The following MEF2A variants were observed in gnomAD, a reference collection of about 807,000 sequenced individuals.
The protein encoded by MEF2A is myocyte enhancer factor 2A.
Under a neutral mutation model 55.8 loss-of-function variants are expected in MEF2A, and 28 were observed. The observed-to-expected ratio is 0.50, with a 90% CI of 0.37 to 0.69. MEF2A has a LOEUF of 0.69. Among genes scored for constraint, MEF2A ranks in the 30% least tolerant of loss-of-function variants. The probability of loss-of-function intolerance (pLI) is 0.00; values close to 1 mark genes in which losing one functional copy is unlikely to be tolerated. For synonymous variants in MEF2A, 239 were observed against 227.1 expected, an observed-to-expected ratio of 1.05 and a Z score of -0.47; for missense variants, 528 against 626.2, an observed-to-expected ratio of 0.84 and a Z score of 1.67.
intron 2 of MEF2A, among the ~76,000 whole-genome samples, chr15:99,622,780 G>C (rs1180680697): frequency 6.7e-6 from 1 of 149,034 alleles, no homozygotes; most frequent in East Asian, 2.0e-4. Context: ...TTGGCTCACT[G>C]CAAGCTCCGC....
chr15:99,694,057 G>T (rs1369812796), intron 8 of MEF2A, among the ~76,000 whole-genome samples: 1 of 152,100 alleles, frequency 6.6e-6, no homozygotes, highest in Non-Finnish European at 1.5e-5. Flanking sequence ...TTTTAACCTT[G>T]TGTCTTTTTC....
intron 1 of MEF2A, among the ~76,000 whole-genome samples, chr15:99,593,947 A>C (rs1286701771): frequency 6.6e-6 from 1 of 151,044 alleles, no homozygotes; most frequent in East Asian, 1.9e-4. Flanking sequence ...TTTTTTTTGT[A>C]CTCTTTCACA....
chr15:99,675,461 G>A lies in MEF2A; in HGVS notation c.670+3G>A. 1 of 1,612,832 alleles carries A rather than the reference G, an allele frequency of 6.2e-7. No individual in the cohort carries two copies. The highest frequency in any genetic ancestry group is 8.5e-7 in the Non-Finnish European group (1 of 1,178,842). ...TGGAGCTGGAAGCAGTCCAGTGGGT[G>A]AGTGAATTCCTACTCTTCTGTTTTG... On this transcript the variant is annotated splice_donor_region_variant and intron_variant, in intron 7 of 11. Coordinates refer to ENST00000557942, the MANE Select transcript of MEF2A (RefSeq NM_001319206.4).
intron 2 of MEF2A, among the ~76,000 whole-genome samples, chr15:99,608,171 TAAAA>T (rs1289613436): frequency 6.6e-6 from 1 of 152,144 alleles, no homozygotes; most frequent in Non-Finnish European, 1.5e-5. Flanking sequence ...AAGCCCAACT[TAAAA>T]AAACTTTGAA....
chr15:99,565,654 C>T (rs377218236), upstream of MEF2A: 4 of 152,592 alleles, frequency 2.6e-5, no homozygotes, highest in Admixed American at 1.3e-4. Context: ...CCGCCGTCAT[C>T]TTCTTCCTGT....
At chr15:99,600,481 A>G (rs960233179) in intron 2 of MEF2A, among the ~76,000 whole-genome samples, 6 of 152,158 alleles carry the variant, frequency 3.9e-5, no homozygotes, top group Non-Finnish European at 7.4e-5. Flanking sequence ...AAGGTTTGTC[A>G]TAGGGATTAG....
intron 2 of MEF2A, among the ~76,000 whole-genome samples, chr15:99,598,821 G>C (rs1393508567): frequency 1.3e-5 from 2 of 152,088 alleles, no homozygotes; most frequent in Admixed American, 1.3e-4. Flanking sequence ...AATTAAGTAG[G>C]TAGTTGGTAG....
intron 2 of MEF2A, among the ~76,000 whole-genome samples, chr15:99,607,511 A>T (rs1338644271): frequency 6.6e-6 from 1 of 152,182 alleles, no homozygotes; most frequent in Non-Finnish European, 1.5e-5. Context: ...TGATGTAGAG[A>T]ACCGAGATTA....
intron 8 of MEF2A, among the ~76,000 whole-genome samples, chr15:99,702,451 G>A (rs2057517905): frequency 1.5e-5 from 2 of 137,002 alleles, no homozygotes; most frequent in South Asian, 2.4e-4. Flanking sequence ...TTTTTTGGAC[G>A]GAGTCTCACT....
intron 4 of MEF2A, among the ~76,000 whole-genome samples, chr15:99,663,024 A>G (rs915079652): frequency 2.6e-5 from 4 of 152,276 alleles, no homozygotes; most frequent in African/African-American, 4.8e-5. Flanking sequence ...TGTAAGTGCT[A>G]TGATTCTATT....
At chr15:99,664,904 TTTTA>T (rs1461997675) in intron 4 of MEF2A, among the ~76,000 whole-genome samples, 2 of 152,278 alleles carry the variant, frequency 1.3e-5, no homozygotes, top group East Asian at 3.9e-4. Flanking sequence ...ATATTAGAGA[TTTTA>T]TTTGAGTCAT....
chr15:99,701,065 A>G (rs929190788), intron 8 of MEF2A, among the ~76,000 whole-genome samples: 14 of 152,364 alleles, frequency 9.2e-5, no homozygotes, highest in African/African-American at 3.4e-4. Flanking sequence ...TAAGTGGGCA[A>G]AAAGTTTAAG....
At chr15:99,631,986 CTG>C (rs996509125) in intron 2 of MEF2A, among the ~76,000 whole-genome samples, 1 of 152,110 alleles carries the variant, frequency 6.6e-6, no homozygotes, top group Non-Finnish European at 1.5e-5. Flanking sequence ...ATTATTATGA[CTG>C]TTGTATTATA....
chr15:99,695,859 C>CA lies in MEF2A; in HGVS notation c.858+5445dup, dbSNP rs55908002. ...GGGCAACAAGAGTGAAACTCCGTCT[C>CA]AAAAAAAAAAAAAAGAAAAATGCTG... On this transcript the variant is annotated intron_variant, in intron 8 of 11. Coordinates refer to ENST00000557942, the MANE Select transcript of MEF2A (RefSeq NM_001319206.4). Among the ~76,000 whole-genome samples the CA allele has an allele frequency of 1.7e-3, 234 of 135,282 alleles. 1 individual carries two copies. The highest frequency in any genetic ancestry group is 5.8e-3 in the African/African-American group (179 of 30,974). 88.8% of individuals were successfully genotyped at this position (135,282 alleles called of 152,430 possible).
rs1158450608 is a variant in MEF2A, at chr15:99,694,680, C to G, written c.858+4252C>G. Among the ~76,000 whole-genome samples the G allele has an allele frequency of 2.0e-5, 3 of 152,172 alleles. No individual in the cohort carries two copies. In the East Asian group the frequency reaches 5.8e-4, roughly 29 times the overall value. On this transcript the variant is annotated intron_variant, in intron 8 of 11. Coordinates refer to ENST00000557942, the MANE Select transcript of MEF2A (RefSeq NM_001319206.4). Reference sequence around the variant, plus strand: ...CTTTCTCCCGCTTTTCATACTGTAGCCTTTGGGTAGGAAATTACCATGTTC... The same window carrying G: ...CTTTCTCCCGCTTTTCATACTGTAGGCTTTGGGTAGGAAATTACCATGTTC...
chr15:99,574,185 CTT>C (rs1313130071), intron 1 of MEF2A, among the ~76,000 whole-genome samples: 1 of 152,132 alleles, frequency 6.6e-6, no homozygotes, highest in Non-Finnish European at 1.5e-5. Context: ...TTCTTGCTCT[CTT>C]TTTATATTTG....
intron 2 of MEF2A, among the ~76,000 whole-genome samples, chr15:99,624,858 A>G (rs996904781): frequency 3.9e-5 from 6 of 152,120 alleles, no homozygotes; most frequent in Non-Finnish European, 5.9e-5. Context: ...TTTAGTTTTT[A>G]GTGTGCAAGC....
intron 2 of MEF2A, among the ~76,000 whole-genome samples, chr15:99,602,451 AT>A (rs371460271): frequency 7.8e-4 from 119 of 152,052 alleles, no homozygotes; most frequent in African/African-American, 2.7e-3. Flanking sequence ...AAACGCTACC[AT>A]TTTGCCTCTT....
chr15:99,645,130 A>G (rs1250357177), intron 3 of MEF2A, among the ~76,000 whole-genome samples: 1 of 152,100 alleles, frequency 6.6e-6, no homozygotes, highest in East Asian at 1.9e-4. Flanking sequence ...TACAATAGAG[A>G]AGGGCTTGAG....
Sources: gnomAD v4.1 joint callset for allele counts (sites outside exome capture counted in the v4.1 genomes callset) on GRCh38, gnomAD v4.1.1 for gene constraint, MANE v1.5 for transcripts, NCBI Gene and HGNC (gene_info 2026-07-23, HGNC 2026-07-21) for gene names.